Variants in B4GALNT3 observed in about 807,000 individuals in gnomAD.
The protein encoded by B4GALNT3 is beta-1,4-N-acetyl-galactosaminyltransferase 3, also known as beta-1,4-N-acetylgalactosaminyltransferase 3.
B4GALNT3 carries 86 observed loss-of-function variants against 120.2 expected under a neutral mutation model. The observed-to-expected ratio is 0.72, with a 90% CI of 0.60 to 0.86. The LOEUF (loss-of-function observed/expected upper bound fraction) is 0.86, where lower values mean the gene tolerates loss of function less well. B4GALNT3 is among the 40% of genes least tolerant of loss of function. The pLI is 0.00. For synonymous variants in B4GALNT3, 518 were observed against 510.4 expected (o/e 1.01, Z -0.20); for missense variants, 1,167 against 1,298.9 (o/e 0.90, Z 1.56).
At chr12:524,547 C>T (rs1043608463) in intron 1 of B4GALNT3, among the ~76,000 whole-genome samples, 2 of 151,816 alleles carry the variant, frequency 1.3e-5, no homozygotes, top group Middle Eastern at 3.2e-3. Flanking sequence ...TTTTTGGCCT[C>T]AGGGCCATAC....
At chr12:479,288 A>C (rs1422709888) in intron 1 of B4GALNT3, among the ~76,000 whole-genome samples, 1 of 152,066 alleles carries the variant, frequency 6.6e-6, no homozygotes, top group Non-Finnish European at 1.5e-5. Context: ...TCAAGCCATC[A>C]TCCGACCTCA....
rs1290568119 is a variant in B4GALNT3, at chr12:562,561, G to A, written c.*1110G>A. On this transcript the variant is annotated 3_prime_UTR_variant, in exon 20 of 20. Coordinates refer to ENST00000266383, the MANE Select transcript of B4GALNT3 (RefSeq NM_173593.4). This position sits in a 1 kb window ranked among gnomAD's most constrained non-coding sequence, Gnocchi z 5.2. Reference sequence around the variant, plus strand: ...AGAAGGGGGCGGGATGAGAGGTTTGGGGAGGTGAGGACATTGCCCTGAGAT... The same window carrying A: ...AGAAGGGGGCGGGATGAGAGGTTTGAGGAGGTGAGGACATTGCCCTGAGAT... 6.6e-6 allele frequency: 1 copy of A among 152,404 alleles called. No homozygotes were observed. Among genetic ancestry groups the A allele is most frequent in the East Asian group, 1.9e-4 (1 of 5,174 alleles). 9.4% of individuals were successfully genotyped at this position (152,404 alleles called of 1,614,324 possible).
intron 3 of B4GALNT3, 52 bp from the exon 4 acceptor site, chr12:544,287 G>A (rs1437105174): frequency 6.4e-7 from 1 of 1,557,142 alleles, no homozygotes; most frequent in Admixed American, 1.7e-5. Flanking sequence ...GAGGATCTGG[G>A]GCGGGCATGG....
rs571653417 is a variant in B4GALNT3, at chr12:561,371, C to T, written c.2917C>T (p.Arg973Cys). 1.9e-5 allele frequency: 30 copies of T among 1,614,000 alleles called. No individual in the cohort carries two copies. The highest frequency in any genetic ancestry group is 9.3e-5 in the African/African-American group (7 of 75,068). Residue 973 changes from arginine (R) to cysteine (C), a missense_variant, in exon 20 of 20, where the codon CGT becomes TGT. Transcript: ENST00000266383. Reference sequence around the variant, plus strand: ...ACTCCAAGCGGGCCTGGACGTGGAGCGTCTCTCCCTCAGGAATTTCTTCCA... The same window carrying T: ...ACTCCAAGCGGGCCTGGACGTGGAGTGTCTCTCCCTCAGGAATTTCTTCCA... ...RILQAGLDVE[R>C]LSLRNFFHHF... is the part of the protein sequence containing the mutation.
chr12:513,432 A>G (rs772555453), intron 1 of B4GALNT3, among the ~76,000 whole-genome samples: 1 of 152,178 alleles, frequency 6.6e-6, no homozygotes, highest in Non-Finnish European at 1.5e-5. Flanking sequence ...TAGGCCATAT[A>G]GGGTTAACTT....
chr12:511,013 C>CTTTTTTT lies in B4GALNT3; in HGVS notation c.170-24117_170-24111dup, dbSNP rs762032000. On this transcript the variant is annotated intron_variant, in intron 1 of 19. Transcript: ENST00000266383. Reference sequence around the variant, plus strand: ...TTTGGTCTCTATGGATTTGCCTATTCTTTTTTTTTTTTTTTTTTTTTTTTT... The same window carrying CTTTTTTT: ...TTTGGTCTCTATGGATTTGCCTATTCTTTTTTTTTTTTTTTTTTTTTTTTTTTTTTTT... Among the ~76,000 whole-genome samples the CTTTTTTT allele has an allele frequency of 4.8e-3, 211 of 43,894 alleles. 40 individuals are homozygous for CTTTTTTT. Among genetic ancestry groups the CTTTTTTT allele is most frequent in the Middle Eastern group, 0.019 (1 of 54 alleles). The allele number at this position is 43,894 out of a possible 152,430, so 28.8% of individuals were successfully genotyped here. A position where few individuals can be genotyped will look rare whatever the true frequency, so the allele number is the denominator to read the frequency against.
chr12:479,724 G>A (rs1022513241), intron 1 of B4GALNT3, among the ~76,000 whole-genome samples: 4 of 152,144 alleles, frequency 2.6e-5, no homozygotes, highest in African/African-American at 9.7e-5. Context: ...GACGGCAGAA[G>A]CCACGTTGTA....
intron 14 of B4GALNT3, chr12:555,396 C>T (rs1442868535): frequency 1.1e-5 from 5 of 456,520 alleles, no homozygotes; most frequent in Admixed American, 4.7e-5. Flanking sequence ...AAGTTTCATT[C>T]GTGTTGTAGA....
chr12:553,958 A>G lies in B4GALNT3; in HGVS notation c.2035A>G (p.Lys679Glu). The change falls in exon 14 of 20, where the codon AAG becomes GAG. Residue 679 changes from lysine to glutamate, a missense_variant. Coordinates refer to ENST00000266383, the MANE Select transcript of B4GALNT3 (RefSeq NM_173593.4). ...EALEVTRVFL[K>E]KLNQRSRGRY... ...TCTGGAGGTCACGCGAGTCTTCTTG[A>G]AGAAGCTCAACCAGAGGAGCCGGGG... The G allele has an allele frequency of 6.2e-7, 1 of 1,613,490 alleles. No homozygotes were observed. The highest frequency in any genetic ancestry group is 8.5e-7 in the Non-Finnish European group (1 of 1,179,786).
At chr12:482,248 G>A (rs960841090) in intron 1 of B4GALNT3, among the ~76,000 whole-genome samples, 7 of 152,304 alleles carry the variant, frequency 4.6e-5, no homozygotes, top group African/African-American at 7.2e-5. Flanking sequence ...GAGCCTACTA[G>A]CAGCCACAGC....
intron 1 of B4GALNT3, among the ~76,000 whole-genome samples, chr12:507,840 G>T (rs1592029238): frequency 7.3e-6 from 1 of 136,158 alleles, no homozygotes; most frequent in Admixed American, 7.1e-5. Flanking sequence ...TAGTAGCTTG[G>T]TGGACACCTG....
chr12:475,537 G>A (rs2120451784), intron 1 of B4GALNT3, among the ~76,000 whole-genome samples: 1 of 152,228 alleles, frequency 6.6e-6, no homozygotes, highest in African/African-American at 2.4e-5. Context: ...CCTGGGCTTG[G>A]TCTTCCCTTG....
In B4GALNT3 at chr12:553,239, C is replaced by T. The variant is rs755300147; in HGVS notation, c.1316C>T (p.Ala439Val). 10 of 1,613,350 alleles carry T rather than the reference C, an allele frequency of 6.2e-6. No homozygotes were observed. In the East Asian group the frequency reaches 2.2e-4, roughly 36 times the overall value. ...GAAGAGTCCCAGTATGGGGAAGTGG[C>T]AGAGGAGACCCCTGCCTCCAACAAC... ...LLEESQYGEV[A>V]EETPASNNQN... Residue 439 changes from alanine to valine, a missense_variant, in exon 14 of 20, where the codon GCA becomes GTA. By Grantham distance (64) the Ala-to-Val change is moderately conservative. Around this residue, in one of 3 missense-constraint regions of B4GALNT3, gnomAD observed 983 missense variants for 1,102.5 expected, o/e 0.89. Transcript: ENST00000266383.
In B4GALNT3 at chr12:512,334, T is replaced by TCCTTCCA. The variant is rs1201200619; in HGVS notation, c.170-22818_170-22812dup. Among the ~76,000 whole-genome samples, 202 of 122,482 alleles carry TCCTTCCA rather than the reference T, an allele frequency of 1.6e-3. 3 individuals carry two copies. The highest frequency in any genetic ancestry group is 6.6e-3 in the African/African-American group (190 of 28,952). 80.4% of individuals were successfully genotyped at this position (122,482 alleles called of 152,430 possible). Reference sequence around the variant, plus strand: ...TTCTTCCACCTTCCACCTTCCACCTTCCTTCCACCTTCCACCTTCCGCCTT... The same window carrying TCCTTCCA: ...TTCTTCCACCTTCCACCTTCCACCTTCCTTCCACCTTCCACCTTCCACCTTCCGCCTT... On this transcript the variant is annotated intron_variant, in intron 1 of 19. Coordinates refer to ENST00000266383, the MANE Select transcript of B4GALNT3 (RefSeq NM_173593.4).
At chr12:531,314 TGCTGGCCC>T (rs1243218185) in intron 1 of B4GALNT3, among the ~76,000 whole-genome samples, 3 of 31,422 alleles carry the variant, frequency 9.5e-5, no homozygotes, top group Non-Finnish European at 3.4e-4. Flanking sequence ...ATACTGCCAC[TGCTGGCCC>T]ACTGCTGGCC....
At position 561,553 on chromosome 12, in the gene B4GALNT3, A is replaced by AC. The variant is rs1947232766; in HGVS notation, c.*106dup. On this transcript the variant is annotated 3_prime_UTR_variant, in exon 20 of 20. Coordinates refer to ENST00000266383, the MANE Select transcript of B4GALNT3 (RefSeq NM_173593.4). The stretch of plus-strand genomic sequence containing the variant: ...GGATGGGGAGTGGGGTGACGGCTGG[A>AC]CCCCAAGAGGCCTCGAAGCTGACGG... The AC allele has an allele frequency of 1.1e-6, 1 of 933,592 alleles. No homozygotes were observed. The highest frequency in any genetic ancestry group is 2.7e-5 in the East Asian group (1 of 37,560). The allele number at this position is 933,592 out of a possible 1,614,324, so 57.8% of individuals were successfully genotyped here. A position where few individuals can be genotyped will look rare whatever the true frequency, so the allele number is the denominator to read the frequency against.
At chr12:540,899 G>A (rs1316656817) in intron 3 of B4GALNT3, among the ~76,000 whole-genome samples, 3 of 151,942 alleles carry the variant, frequency 2.0e-5, no homozygotes, top group South Asian at 4.2e-4. Context: ...ACCCACCACC[G>A]CGCCCAGCTA....
intron 1 of B4GALNT3, among the ~76,000 whole-genome samples, chr12:473,173 G>A (rs1946153881): frequency 6.6e-6 from 1 of 151,908 alleles, no homozygotes; most frequent in Non-Finnish European, 1.5e-5. Flanking sequence ...TCAGTATGTT[G>A]TCCAGACTGG....
chr12:473,199 C>T (rs1303238647), intron 1 of B4GALNT3, among the ~76,000 whole-genome samples: 1 of 151,684 alleles, frequency 6.6e-6, no homozygotes, highest in African/African-American at 2.4e-5. Context: ...AACACCTGGG[C>T]TCAAGCAATC....
Sources: allele counts gnomAD v4.1 joint callset (sites outside exome capture counted in the v4.1 genomes callset), GRCh38; gene constraint gnomAD v4.1.1; regional missense constraint gnomAD v4.1.1; non-coding constraint Gnocchi (gnomAD v3.1); transcripts MANE v1.5; gene names NCBI Gene and HGNC (gene_info 2026-07-23, HGNC 2026-07-21).